TMTC2: variants seen among roughly 807,000 people sequenced by gnomAD.
The protein encoded by TMTC2 is protein O-mannosyl-transferase TMTC2.
TMTC2 carries 43 observed loss-of-function variants against 82.4 expected under a neutral mutation model. The ratio of observed to expected loss-of-function variants is 0.52; its 90% CI spans 0.41 to 0.67. TMTC2 has a LOEUF of 0.67. TMTC2 is among the 30% of genes least tolerant of loss of function. TMTC2 has a pLI of 0.00. For synonymous variants in TMTC2, 408 were observed against 381.9 expected (o/e 1.07, Z -0.80); for missense variants, 919 against 1,012.4 (o/e 0.91, Z 1.25).
At chr12:83,002,267 T>C (rs1014593941) in intron 8 of TMTC2, among the ~76,000 whole-genome samples, 5 of 152,204 alleles carry the variant, frequency 3.3e-5, no homozygotes, top group Admixed American at 6.5e-5. Context: ...TTGAAGGATC[T>C]TTCCTATTTC....
At chr12:83,000,174 G>A (rs1032897513) in intron 8 of TMTC2, among the ~76,000 whole-genome samples, 22 of 151,770 alleles carry the variant, frequency 1.4e-4, no homozygotes, top group South Asian at 1.0e-3. Flanking sequence ...TCGCTCTGTC[G>A]CCCAGGCTGG....
At chr12:82,769,130 A>G (rs1316178852) in intron 1 of TMTC2, among the ~76,000 whole-genome samples, 2 of 151,484 alleles carry the variant, frequency 1.3e-5, no homozygotes, top group East Asian at 3.9e-4. Context: ...AGGCGCATCA[A>G]TTCAGTGGCC....
intron 1 of TMTC2, among the ~76,000 whole-genome samples, chr12:82,749,748 T>TC (rs1875881461): frequency 6.7e-6 from 1 of 149,486 alleles, no homozygotes; most frequent in Non-Finnish European, 1.5e-5. Context: ...TCTTTTTTTT[T>TC]TTTTTTTGAG....
intron 4 of TMTC2, among the ~76,000 whole-genome samples, chr12:82,947,700 C>T (rs571809395): frequency 5.3e-5 from 8 of 152,234 alleles, no homozygotes; most frequent in South Asian, 2.1e-4. Flanking sequence ...CCATTTCTTA[C>T]GCCCTGTTTT....
At chr12:82,837,975 G>T (rs1025529800) in intron 1 of TMTC2, among the ~76,000 whole-genome samples, 15 of 152,266 alleles carry the variant, frequency 9.9e-5, no homozygotes, top group African/African-American at 3.6e-4. Context: ...GTGAAATCTT[G>T]GTTGAAAATC....
At chr12:83,061,738 T>C (rs372384776) in intron 10 of TMTC2, 30 bp from the exon 11 acceptor site, 1 of 1,539,020 alleles carries the variant, frequency 6.5e-7, no homozygotes, top group African/African-American at 1.4e-5. Context: ...AAATATATGA[T>C]ATAGTTTTAT....
chr12:82,768,527 C>T (rs1877106084), intron 1 of TMTC2, among the ~76,000 whole-genome samples: 1 of 152,138 alleles, frequency 6.6e-6, no homozygotes, highest in Admixed American at 6.6e-5. Context: ...AATTAAGATG[C>T]ATTAGTGGAA....
intron 11 of TMTC2, among the ~76,000 whole-genome samples, chr12:83,102,366 G>T (rs549473262): frequency 6.6e-6 from 1 of 152,326 alleles, no homozygotes; most frequent in African/African-American, 2.4e-5. Context: ...GATAAAGGGA[G>T]AGGATAGTCA....
chr12:82,986,980 A>C (rs1879178667), intron 8 of TMTC2, among the ~76,000 whole-genome samples: 1 of 152,198 alleles, frequency 6.6e-6, no homozygotes. Context: ...AATATTAATA[A>C]AAATAAATGA....
At position 83,132,275 on chromosome 12, in the gene TMTC2, G is replaced by A. The variant is rs1885280301; in HGVS notation, c.2397G>A (p.Glu799=). Residue 799 remains glutamate (E), a synonymous_variant, in exon 12 of 12, where the codon GAG becomes GAA. Transcript: ENST00000321196. ...LHLNGRLQKA[E]ANYLRALQLK... is the part of the protein sequence containing the mutation. The stretch of plus-strand genomic sequence containing the variant: ...TCAATGGCAGACTCCAGAAGGCCGA[G>A]GCCAACTACCTGCGGGCCCTGCAGC... 6.2e-7 allele frequency: 1 copy of A among 1,613,834 alleles called. No individual in the cohort carries two copies. The highest frequency in any genetic ancestry group is 1.7e-5 in the Admixed American group (1 of 59,964).
chr12:82,958,001 C>T (rs1045546103), intron 4 of TMTC2, among the ~76,000 whole-genome samples: 21 of 152,008 alleles, frequency 1.4e-4, no homozygotes, highest in African/African-American at 1.9e-4. Flanking sequence ...TCAAGGAGGT[C>T]GGACCCCTCC....
At chr12:82,860,916 T>C (rs1871508158) in intron 2 of TMTC2, among the ~76,000 whole-genome samples, 1 of 152,226 alleles carries the variant, frequency 6.6e-6, no homozygotes, top group Non-Finnish European at 1.5e-5. Flanking sequence ...AAATTCCATA[T>C]TCTGTCTGTA....
At chr12:83,099,081 T>C (rs1884127430) in intron 11 of TMTC2, among the ~76,000 whole-genome samples, 1 of 152,226 alleles carries the variant, frequency 6.6e-6, no homozygotes, top group Non-Finnish European at 1.5e-5. Flanking sequence ...AATAATGCTT[T>C]TTCTTCATAA....
chr12:82,859,050 G>T (rs1028128809), intron 2 of TMTC2, among the ~76,000 whole-genome samples: 3 of 151,404 alleles, frequency 2.0e-5, no homozygotes, highest in Non-Finnish European at 4.4e-5. Flanking sequence ...TGCATTAGTC[G>T]CCTGTGAAAT....
At chr12:83,067,929 T>A (rs1208116847) in intron 11 of TMTC2, among the ~76,000 whole-genome samples, 1 of 152,112 alleles carries the variant, frequency 6.6e-6, no homozygotes, top group African/African-American at 2.4e-5. Flanking sequence ...ATGTTATCAA[T>A]AGAGAACTTC....
chr12:83,031,361 C>T (rs1369406763), intron 9 of TMTC2, among the ~76,000 whole-genome samples: 1 of 152,144 alleles, frequency 6.6e-6, no homozygotes, highest in Non-Finnish European at 1.5e-5. Context: ...CAAGGATAAG[C>T]TGTAAAGGGT....
At chr12:82,963,823 A>T (rs1181973170) in intron 4 of TMTC2, among the ~76,000 whole-genome samples, 4 of 89,660 alleles carry the variant, frequency 4.5e-5, no homozygotes, top group African/African-American at 2.5e-4. Context: ...ATATATATAT[A>T]TATATATATA....
intron 1 of TMTC2, among the ~76,000 whole-genome samples, chr12:82,735,171 C>T (rs997261907): frequency 2.0e-5 from 3 of 152,108 alleles, no homozygotes; most frequent in Non-Finnish European, 4.4e-5. Flanking sequence ...TCAAATCAAT[C>T]ATATGCTAAA....
chr12:82,881,994 A>ATTTTTTTTTT (rs869127384), intron 2 of TMTC2, among the ~76,000 whole-genome samples: 2 of 107,280 alleles, frequency 1.9e-5, no homozygotes, highest in African/African-American at 8.6e-5. Flanking sequence ...TGTTGTTAAG[A>ATTTTTTTTTT]TTTTTTTTTT....
Sources: gnomAD v4.1 joint callset for allele counts (sites outside exome capture counted in the v4.1 genomes callset) on GRCh38, gnomAD v4.1.1 for gene constraint, MANE v1.5 for transcripts, NCBI Gene and HGNC (gene_info 2026-07-23, HGNC 2026-07-21) for gene names.